Variants in GSS observed in about 807,000 individuals in gnomAD.
GSS encodes the protein glutathione synthetase, also known as GSH synthetase.
In GSS, 34 loss-of-function variants were observed where a neutral mutation model predicts 60.4. That is an observed-to-expected ratio of 0.56 (90% CI 0.43 to 0.75). The LOEUF (loss-of-function observed/expected upper bound fraction) is 0.75, where lower values mean the gene tolerates loss of function less well. Among genes scored for constraint, GSS ranks in the 30% least tolerant of loss-of-function variants. The pLI is 0.00. For synonymous variants in GSS, 224 were observed against 239.0 expected, an observed-to-expected ratio of 0.94 and a Z score of 0.58; for missense variants, 499 against 595.1, an observed-to-expected ratio of 0.84 and a Z score of 1.68.
intron 9 of GSS, among the ~76,000 whole-genome samples, chr20:34,932,865 G>T (rs765004847): frequency 2.0e-5 from 3 of 151,254 alleles, no homozygotes; most frequent in African/African-American, 4.9e-5. Context: ...TTTCTTTTGA[G>T]ACGTGGGTCT....
chr20:34,928,559 G>A lies in GSS; in HGVS notation c.*269C>T, dbSNP rs1472383892. The A allele has an allele frequency of 3.7e-6, 2 of 539,074 alleles. No individual in the cohort carries two copies. The highest frequency in any genetic ancestry group is 3.3e-5 in the East Asian group (1 of 30,214). 33.4% of individuals were successfully genotyped at this position (539,074 alleles called of 1,614,324 possible). ...GGAACCTGCTGAAAAGGCTGATGAG[G>A]GGCTGACAGGAGTGGGGCAGGGTTC... is the stretch of plus-strand genomic sequence containing the variant. On this transcript the variant is annotated 3_prime_UTR_variant, in exon 13 of 13. Coordinates refer to ENST00000651619, the MANE Select transcript of GSS (RefSeq NM_000178.4).
intron 12 of GSS, 196 bp downstream of exon 12, chr20:34,929,205 C>T: frequency 1.4e-6 from 1 of 698,068 alleles, no homozygotes; most frequent in South Asian, 1.7e-5. Flanking sequence ...CATCTGATAC[C>T]CTGGTAAGGT....
intron 6 of GSS, among the ~76,000 whole-genome samples, chr20:34,940,466 T>C (rs1168516618): frequency 6.6e-6 from 1 of 152,204 alleles, no homozygotes; most frequent in Non-Finnish European, 1.5e-5. Flanking sequence ...AGAGGCTCCC[T>C]TGGAGGTAAG....
chr20:34,932,098 A>G lies in GSS; in HGVS notation c.870T>C (p.His290=). The change falls in exon 10 of 13, where the codon CAT becomes CAC. Residue 290 remains histidine (H), a synonymous_variant. Coordinates refer to ENST00000651619, the MANE Select transcript of GSS (RefSeq NM_000178.4). The part of the protein sequence containing the change: ...WEARLLLERS[H]AAKCPDIATQ... ...TGGCAATGTCTGGGCACTTGGCAGCATGTGACCTCTCCAGCAGTAGACGTG... is the reference window on the plus strand; with the variant it reads ...TGGCAATGTCTGGGCACTTGGCAGCGTGTGACCTCTCCAGCAGTAGACGTG... 1 of 1,614,130 alleles carries G rather than the reference A, an allele frequency of 6.2e-7. No individual in the cohort carries two copies. The highest frequency in any genetic ancestry group is 8.5e-7 in the Non-Finnish European group (1 of 1,179,956).
Position 34,929,557 on chromosome 20 carries a change from GCCTGTA to G in GSS, c.1139_1144del (p.Val380_Gln381del), listed in dbSNP as rs770455024. On this transcript the variant is annotated inframe_deletion, in exon 12 of 13. Transcript: ENST00000651619. ...CTCACTGTCCTTCAGCTGTTTCAGG[GCCTGTA>G]CCATTTCCTCCCCATATAGGTTGTT... 9 of 1,613,896 alleles carry G rather than the reference GCCTGTA, an allele frequency of 5.6e-6. No homozygotes were observed. The African/African-American group carries it at 1.1e-4, about 19-fold the overall frequency.
rs1279393402 is a variant in GSS, at chr20:34,928,862, C to T, written c.1391G>A (p.Gly464Glu). Reference protein sequence around the residue: ...IEHADGGVAAGVAVLDNPYPV With the variant: ...IEHADGGVAAEVAVLDNPYPV ...GTATGGGTTGTCCAGGACTGCCACTCCCGCTGCCACACCACCATCTGCATG... is the reference window on the plus strand; with the variant it reads ...GTATGGGTTGTCCAGGACTGCCACTTCCGCTGCCACACCACCATCTGCATG... Residue 464 changes from glycine (G) to glutamate (E), a missense_variant, in exon 13 of 13, where the codon GGA becomes GAA. Gly to Glu is a moderately conservative substitution (Grantham distance 98). Transcript: ENST00000651619. 3 of 1,613,950 alleles carry T rather than the reference C, an allele frequency of 1.9e-6. No individual in the cohort carries two copies. The highest frequency in any genetic ancestry group is 2.5e-6 in the Non-Finnish European group (3 of 1,180,032).
intron 9 of GSS, 96 bp from the exon 10 acceptor site, chr20:34,932,229 G>A: frequency 1.1e-6 from 1 of 939,648 alleles, no homozygotes. Context: ...ATCATGATTT[G>A]TATCTTCACC....
At chr20:34,947,955 T>C (rs1459250904) in intron 2 of GSS, among the ~76,000 whole-genome samples, 2 of 151,348 alleles carry the variant, frequency 1.3e-5, no homozygotes, top group Non-Finnish European at 2.9e-5. Flanking sequence ...GCATCTTTTT[T>C]TTTTTTTTTT....
intron 9 of GSS, 103 bp downstream of exon 9, chr20:34,935,473 G>A (rs1238125833): frequency 1.2e-6 from 1 of 809,964 alleles, no homozygotes; most frequent in East Asian, 2.4e-5. Context: ...AAGAAGTGAA[G>A]TGAGGACTCG....
chr20:34,954,348 A>T (rs933585594), intron 1 of GSS: 1 of 152,324 alleles, frequency 6.6e-6, no homozygotes, highest in East Asian at 1.9e-4. Context: ...CGAGGTCGGG[A>T]GTTCGAGACC....
chr20:34,935,121 T>C (rs2081430948), intron 9 of GSS, among the ~76,000 whole-genome samples: 1 of 152,108 alleles, frequency 6.6e-6, no homozygotes, highest in Non-Finnish European at 1.5e-5. Flanking sequence ...TTAAATGAAA[T>C]AATGGATGTG....
At position 34,951,829 on chromosome 20, in the gene GSS, G is replaced by A; in HGVS notation, c.24C>T (p.Leu8=). The stretch of plus-strand genomic sequence containing the variant: ...CCTCTAGCTGCTGTTTATCCTGCAA[G>A]AGGCTCCCCCAGTTGGTGGCCATCC... MATNWGS[L]LQDKQQLEEL... is the part of the protein sequence containing the mutation. The change falls in exon 2 of 13, where the codon CTC becomes CTT. Residue 8 remains leucine (L), a synonymous_variant. Transcript: ENST00000651619. 1 of 1,614,192 alleles carries A rather than the reference G, an allele frequency of 6.2e-7. No homozygotes were observed. Among genetic ancestry groups the A allele is most frequent in the Non-Finnish European group, 8.5e-7 (1 of 1,180,042 alleles).
chr20:34,929,240 C>T (rs1350791457), intron 12 of GSS, 161 bp downstream of exon 12: 2 of 762,390 alleles, frequency 2.6e-6, no homozygotes, highest in Non-Finnish European at 4.5e-6. Flanking sequence ...TCCTTGGCCT[C>T]ATTTAATAGA....
chr20:34,948,521 C>T (rs746198983), intron 2 of GSS, among the ~76,000 whole-genome samples: 15 of 152,194 alleles, frequency 9.9e-5, no homozygotes, highest in Non-Finnish European at 1.9e-4. Flanking sequence ...CACGGTGGCT[C>T]ATGCCTGTAA....
At position 34,951,834 on chromosome 20, in the gene GSS, T is replaced by C; in HGVS notation, c.19A>G (p.Ser7Gly). Residue 7 changes from serine to glycine, a missense_variant, in exon 2 of 13, where the codon AGC becomes GGC. Coordinates refer to ENST00000651619, the MANE Select transcript of GSS (RefSeq NM_000178.4). Reference protein sequence around the residue: MATNWGSLLQDKQQLEE... With the variant: MATNWGGLLQDKQQLEE... ...AGCTGCTGTTTATCCTGCAAGAGGCTCCCCCAGTTGGTGGCCATCCCAACA... is the reference window on the plus strand; with the variant it reads ...AGCTGCTGTTTATCCTGCAAGAGGCCCCCCCAGTTGGTGGCCATCCCAACA... The C allele has an allele frequency of 6.2e-7, 1 of 1,614,078 alleles. No individual in the cohort carries two copies. The highest frequency in any genetic ancestry group is 8.5e-7 in the Non-Finnish European group (1 of 1,180,022).
chr20:34,946,203 CA>C, intron 2 of GSS, 105 bp from the exon 3 acceptor site: 1 of 899,624 alleles, frequency 1.1e-6, no homozygotes. Flanking sequence ...TTACTGAGGA[CA>C]CACCAACTGT....
At chr20:34,953,684 C>T (rs1160055898) in intron 1 of GSS, among the ~76,000 whole-genome samples, 1 of 149,828 alleles carries the variant, frequency 6.7e-6, no homozygotes, top group African/African-American at 2.5e-5. Context: ...CGCACGATCT[C>T]GGCTCACTGC....
Position 34,951,848 on chromosome 20 carries a change from G to A in GSS, c.5C>T (p.Ala2Val). ...CTGCAAGAGGCTCCCCCAGTTGGTG[G>A]CCATCCCAACACCTGCAAAAGATGG... The part of the protein sequence containing the change: M[A>V]TNWGSLLQDK... Residue 2 changes from alanine (A) to valine (V), a missense_variant, in exon 2 of 13, where the codon GCC (alanine) becomes GTC (valine). Physicochemically the swap from Ala to Val is moderately conservative, Grantham distance 64 (BLOSUM62 0). Transcript: ENST00000651619. 6.2e-7 allele frequency: 1 copy of A among 1,614,080 alleles called. No individual in the cohort carries two copies. Among genetic ancestry groups the A allele is most frequent in the Non-Finnish European group, 8.5e-7 (1 of 1,180,012 alleles).
chr20:34,937,575 C>T (rs1315665395), intron 6 of GSS, among the ~76,000 whole-genome samples: 2 of 152,204 alleles, frequency 1.3e-5, no homozygotes, highest in Non-Finnish European at 2.9e-5. Context: ...ACGACATTAT[C>T]TCCTGGGCCC....
Sources: gnomAD v4.1 joint callset for allele counts (sites outside exome capture counted in the v4.1 genomes callset) on GRCh38, gnomAD v4.1.1 for gene constraint, MANE v1.5 for transcripts, NCBI Gene and HGNC (gene_info 2026-07-23, HGNC 2026-07-21) for gene names.